PZP: variants seen among roughly 807,000 people sequenced by gnomAD.
PZP encodes pregnancy zone protein.
In PZP, 150 loss-of-function variants were observed where a neutral mutation model predicts 179.8. The observed-to-expected ratio is 0.83, with a 90% CI of 0.73 to 0.96. PZP has a LOEUF of 0.96. PZP is among the 40% of genes least tolerant of loss of function. PZP has a pLI of 0.00. For missense variants in PZP, 1,689 were observed against 1,764.0 expected, an observed-to-expected ratio of 0.96 and a Z score of 0.76; for synonymous variants, 624 against 652.3, an observed-to-expected ratio of 0.96 and a Z score of 0.66.
In PZP at chr12:9,197,387, ATAT is replaced by A. The variant is rs770151723; in HGVS notation, c.756-267_756-265del. On this transcript the variant is annotated intron_variant, in intron 7 of 35. Transcript: ENST00000261336. ...AATATTTTTATATATTTAATATATA[ATAT>A]TATAATTATTATATTTTAATGTTTA... Among the ~76,000 whole-genome samples the A allele has an allele frequency of 5.1e-3, 724 of 142,180 alleles. 8 individuals are homozygous for A. The highest frequency in any genetic ancestry group is 0.017 in the African/African-American group (671 of 38,776). The allele number at this position is 142,180 out of a possible 152,430, so 93.3% of individuals were successfully genotyped here.
chr12:9,169,611 A>G lies in PZP; in HGVS notation c.1840-20T>C. On this transcript the variant is annotated intron_variant, in intron 15 of 35. Transcript: ENST00000261336. ...ATATACCTGTAGCAGTGGGGGGATC[A>G]AAGGCAGAACTGTTACTTACTTTTC... 1 of 1,574,126 alleles carries G rather than the reference A, an allele frequency of 6.4e-7. No individual in the cohort carries two copies. The highest frequency in any genetic ancestry group is 8.6e-7 in the Non-Finnish European group (1 of 1,164,078).
At chr12:9,169,886 G>A (rs1030814262) in intron 15 of PZP, 14 of 213,528 alleles carry the variant, frequency 6.6e-5, no homozygotes, top group Non-Finnish European at 1.3e-4. Context: ...ATAGAAAGAA[G>A]ACGTAACTTG....
At chr12:9,165,989 G>A in intron 18 of PZP, 63 bp downstream of exon 18, 1 of 1,528,260 alleles carries the variant, frequency 6.5e-7, no homozygotes, top group Non-Finnish European at 8.8e-7. Flanking sequence ...TCTTAGAATT[G>A]AAAATGTTGG....
intron 15 of PZP, among the ~76,000 whole-genome samples, chr12:9,173,165 A>G (rs1942115606): frequency 6.6e-6 from 1 of 152,252 alleles, no homozygotes; most frequent in Admixed American, 6.5e-5. Flanking sequence ...CAAGATTAAG[A>G]AATTCACTCA....
At chr12:9,173,384 A>T (rs776142596) in intron 15 of PZP, among the ~76,000 whole-genome samples, 4 of 152,214 alleles carry the variant, frequency 2.6e-5, no homozygotes, top group Non-Finnish European at 5.9e-5. Flanking sequence ...AAGATATCAA[A>T]TCAACAACCT....
At chr12:9,193,620 A>C (rs985962706) in intron 11 of PZP, among the ~76,000 whole-genome samples, 1 of 152,220 alleles carries the variant, frequency 6.6e-6, no homozygotes, top group Admixed American at 6.5e-5. Context: ...ACTGAAATCC[A>C]TAAATTATAG....
intron 26 of PZP, 130 bp downstream of exon 26, chr12:9,158,290 T>C: frequency 7.4e-7 from 1 of 1,345,352 alleles, no homozygotes; most frequent in South Asian, 1.4e-5. Context: ...TGTAATACTC[T>C]TTCCCTGATG....
downstream of PZP, among the ~76,000 whole-genome samples, chr12:9,144,576 G>T (rs1023168792): frequency 6.6e-6 from 1 of 152,048 alleles, no homozygotes; most frequent in Non-Finnish European, 1.5e-5. Flanking sequence ...TCAAAGACAG[G>T]TTTATTTTGG....
At chr12:9,177,436 A>G (rs752009191) in intron 15 of PZP, among the ~76,000 whole-genome samples, 73 of 152,338 alleles carry the variant, frequency 4.8e-4, no homozygotes, top group Admixed American at 8.5e-4. Context: ...CAACCAGGGC[A>G]GGTCACAAGC....
chr12:9,171,954 A>C (rs1942035230), intron 15 of PZP, among the ~76,000 whole-genome samples: 1 of 152,230 alleles, frequency 6.6e-6, no homozygotes, highest in African/African-American at 2.4e-5. Context: ...CCAACCTAGC[A>C]AGACAGGCCA....
chr12:9,183,905 T>C (rs73055839), intron 13 of PZP, among the ~76,000 whole-genome samples: 8,572 of 152,308 alleles, frequency 0.056, 314 homozygotes, highest in Non-Finnish European at 0.078. Flanking sequence ...GGCAGTGTTA[T>C]GCCATTCATA....
rs961044910 is a variant in PZP, at chr12:9,160,244, A to G, written c.3049+70T>C. On this transcript the variant is annotated intron_variant, in intron 24 of 35. Coordinates refer to ENST00000261336, the MANE Select transcript of PZP (RefSeq NM_002864.3). ...TATCATCATGGGTTAATATTTGATG[A>G]TATAACTGAAGCTTAATTGGGAAAA... is the stretch of plus-strand genomic sequence containing the variant. 5.1e-6 allele frequency: 7 copies of G among 1,385,710 alleles called. No homozygotes were observed. The African/African-American group carries it at 7.2e-5, about 14-fold the overall frequency. 85.8% of individuals were successfully genotyped at this position (1,385,710 alleles called of 1,614,324 possible).
chr12:9,147,088 G>A (rs1940049734), downstream of PZP, among the ~76,000 whole-genome samples: 1 of 152,168 alleles, frequency 6.6e-6, no homozygotes, highest in African/African-American at 2.4e-5. Context: ...CAAGGCAGAT[G>A]TCAGTTGTTT....
chr12:9,165,436 T>A, intron 18 of PZP, 69 bp from the exon 19 acceptor site: 1 of 1,559,562 alleles, frequency 6.4e-7, no homozygotes. Flanking sequence ...TGAGAATTAA[T>A]ATGCATAAAG....
intron 22 of PZP, among the ~76,000 whole-genome samples, chr12:9,161,862 G>A (rs189699548): frequency 2.0e-5 from 3 of 152,294 alleles, no homozygotes; most frequent in Middle Eastern, 3.4e-3. Context: ...AGTGAGATGG[G>A]TAGGAAATGC....
intron 34 of PZP, among the ~76,000 whole-genome samples, chr12:9,150,163 A>G (rs868518236): frequency 6.6e-6 from 1 of 152,178 alleles, no homozygotes; most frequent in African/African-American, 2.4e-5. Flanking sequence ...TATGTTATCT[A>G]TGTCTCTAAA....
At chr12:9,197,211 T>C (rs1056180060) in intron 7 of PZP, 88 bp from the exon 8 acceptor site, 9 of 868,536 alleles carry the variant, frequency 1.0e-5, no homozygotes, top group African/African-American at 5.1e-5. Context: ...CTCTTTAGAG[T>C]TGCCTACACA....
chr12:9,142,564 G>T, the PZP span, among the ~76,000 whole-genome samples: 15 of 152,246 alleles, frequency 9.9e-5, no homozygotes, highest in Non-Finnish European at 1.9e-4. Flanking sequence ...AAAAATATTT[G>T]ATTTAAGCAC....
rs778324333 is a variant in PZP, at chr12:9,160,325, T to C, written c.3038A>G (p.Tyr1013Cys). ...TQEIKAKAVG[Y>C]LITGYQRQLN... ...TCTGTCTCACTTACCAGTGATGAGA[T>C]AGCCAACGGCCTTGGCCTTGATCTC... Residue 1013 changes from tyrosine (Y) to cysteine (C), a missense_variant, in exon 24 of 36, where the codon TAT becomes TGT. Physicochemically the swap from Tyr to Cys is radical, Grantham distance 194. Transcript: ENST00000261336. 3.7e-6 allele frequency: 6 copies of C among 1,610,440 alleles called. No homozygotes were observed. In the East Asian group the frequency reaches 1.1e-4, roughly 30 times the overall value.
Sources: allele counts gnomAD v4.1 joint callset (sites outside exome capture counted in the v4.1 genomes callset), GRCh38; gene constraint gnomAD v4.1.1; transcripts MANE v1.5; gene names NCBI Gene and HGNC (gene_info 2026-07-23, HGNC 2026-07-21).